COBL: variants seen among roughly 807,000 people sequenced by gnomAD.
COBL encodes protein cordon-bleu.
Under a neutral mutation model 98.8 loss-of-function variants are expected in COBL, and 51 were observed. That is an observed-to-expected ratio of 0.52 (90% CI 0.41 to 0.65). The LOEUF (loss-of-function observed/expected upper bound fraction) is 0.65. Among genes scored for constraint, COBL ranks in the 30% least tolerant of loss-of-function variants. COBL has a pLI of 0.00. For synonymous variants in COBL, 634 were observed against 651.7 expected (o/e 0.97, Z 0.41); for missense variants, 1,617 against 1,617.5 (o/e 1.00, Z 0.01).
intron 7 of COBL, among the ~76,000 whole-genome samples, chr7:51,056,294 G>T (rs1790741380): frequency 6.6e-6 from 1 of 151,908 alleles, no homozygotes; most frequent in Admixed American, 6.6e-5. Context: ...GCCTGAGTGT[G>T]AGCAAATGGG....
intron 1 of COBL, among the ~76,000 whole-genome samples, chr7:51,255,650 G>A (rs986473029): frequency 6.6e-6 from 1 of 152,188 alleles, no homozygotes; most frequent in South Asian, 2.1e-4. Flanking sequence ...GTTCTCTGCC[G>A]AGATCACTTC....
chr7:51,221,053 A>G (rs1429950400), intron 1 of COBL, among the ~76,000 whole-genome samples: 1 of 152,174 alleles, frequency 6.6e-6, no homozygotes, highest in Non-Finnish European at 1.5e-5. Flanking sequence ...ACCTATGCTA[A>G]TAATAACCTT....
chr7:51,193,475 T>C lies in COBL; in HGVS notation c.360A>G (p.Pro120=), dbSNP rs766517417. 23 of 1,614,130 alleles carry C rather than the reference T, an allele frequency of 1.4e-5. No individual in the cohort carries two copies. In the South Asian group the frequency reaches 2.5e-4, roughly 18 times the overall value. Residue 120 remains proline (P), a synonymous_variant, in exon 3 of 13, where the codon CCA becomes CCG. Coordinates refer to ENST00000265136, the MANE Select transcript of COBL (RefSeq NM_015198.5). ...SETQQPLSFK[P]NTLIGTLNVH... ...CATTCAGGGTCCCAATCAAAGTATTTGGCTTAAAACTCAAAGGTTGTTGGG... is the reference window on the plus strand; with the variant it reads ...CATTCAGGGTCCCAATCAAAGTATTCGGCTTAAAACTCAAAGGTTGTTGGG...
chr7:51,283,609 T>C (rs1162867612), intron 1 of COBL, among the ~76,000 whole-genome samples: 2 of 152,054 alleles, frequency 1.3e-5, no homozygotes, highest in East Asian at 3.9e-4. Flanking sequence ...CTCAGCCTCC[T>C]GAGTAGCTGG....
At chr7:51,273,879 T>C (rs752748367) in intron 1 of COBL, among the ~76,000 whole-genome samples, 1 of 152,162 alleles carries the variant, frequency 6.6e-6, no homozygotes, top group Non-Finnish European at 1.5e-5. Context: ...TATTTTGAAG[T>C]GTCATCGAAC....
chr7:51,053,113 A>C (rs1185601052), intron 7 of COBL, among the ~76,000 whole-genome samples: 1 of 152,198 alleles, frequency 6.6e-6, no homozygotes, highest in Non-Finnish European at 1.5e-5. Flanking sequence ...CACTTAAGGA[A>C]AATGTAGATT....
At chr7:51,259,683 T>C in intron 1 of COBL, 1 of 738,396 alleles carries the variant, frequency 1.4e-6, no homozygotes. Flanking sequence ...GGGATGGTCT[T>C]ATTCTTGACC....
rs1209616578 is a variant in COBL at position 51,027,926 on chromosome 7, C to A, written c.3170G>T (p.Gly1057Val). The change falls in exon 10 of 13, where the codon GGC becomes GTC. Residue 1057 changes from glycine to valine, a missense_variant. Physicochemically the swap from Gly to Val is moderately radical, Grantham distance 109. Transcript: ENST00000265136. ...TTCTAGGAGAATGTGGCTTTCTGTG[C>A]CAGACCCTCCTGGAGGGTGGGAAGG... Reference protein sequence around the residue: ...GEPSHPPGGSGTESHILLERE... With the variant: ...GEPSHPPGGSVTESHILLERE... The A allele has an allele frequency of 6.2e-7, 1 of 1,613,686 alleles. No homozygotes were observed. The highest frequency in any genetic ancestry group is 1.3e-5 in the African/African-American group (1 of 74,926).
At chr7:51,162,739 A>AAGAT (rs1479768323) in intron 5 of COBL, among the ~76,000 whole-genome samples, 1 of 152,242 alleles carries the variant, frequency 6.6e-6, no homozygotes, top group Non-Finnish European at 1.5e-5. Context: ...GAGGAAAGTG[A>AAGAT]AGATAGGTTC....
intron 7 of COBL, among the ~76,000 whole-genome samples, chr7:51,074,858 T>C (rs1792906334): frequency 1.3e-5 from 2 of 152,242 alleles, no homozygotes; most frequent in Admixed American, 6.5e-5. Flanking sequence ...TTTACTTATA[T>C]AAAGGATAAG....
intron 5 of COBL, among the ~76,000 whole-genome samples, chr7:51,141,847 G>C (rs1207662750): frequency 1.3e-5 from 2 of 152,132 alleles, no homozygotes; most frequent in Admixed American, 6.5e-5. Flanking sequence ...GGTGAGAATG[G>C]GGAGAATGCT....
chr7:51,127,338 CTTG>C (rs1244542657), intron 6 of COBL, among the ~76,000 whole-genome samples: 5 of 152,212 alleles, frequency 3.3e-5, no homozygotes, highest in Non-Finnish European at 5.9e-5. Flanking sequence ...AAGTCCCCAG[CTTG>C]TTAGGCTGCT....
intron 1 of COBL, among the ~76,000 whole-genome samples, chr7:51,253,035 C>T (rs1172904012): frequency 6.6e-6 from 1 of 151,950 alleles, no homozygotes; most frequent in Non-Finnish European, 1.5e-5. Flanking sequence ...CCAGACTGCT[C>T]AACATGACAA....
chr7:51,184,229 C>T, intron 4 of COBL, 30 bp from the exon 5 acceptor site: 1 of 1,278,538 alleles, frequency 7.8e-7, no homozygotes, highest in Non-Finnish European at 1.1e-6. Flanking sequence ...AGTTATTTTT[C>T]AGCATCTGAA....
intron 8 of COBL, among the ~76,000 whole-genome samples, chr7:51,036,783 T>A (rs1311703315): frequency 6.6e-6 from 1 of 152,174 alleles, no homozygotes; most frequent in African/African-American, 2.4e-5. Context: ...GCTCTGCATA[T>A]GATTTCAGTT....
At chr7:51,306,795 T>C (rs906750947) in intron 1 of COBL, among the ~76,000 whole-genome samples, 3 of 152,192 alleles carry the variant, frequency 2.0e-5, no homozygotes, top group African/African-American at 7.2e-5. Context: ...GAGGCTCCTA[T>C]ACCAGGAATA....
At chr7:51,128,215 T>C (rs1358444538) in intron 6 of COBL, among the ~76,000 whole-genome samples, 2 of 152,228 alleles carry the variant, frequency 1.3e-5, no homozygotes, top group African/African-American at 4.8e-5. Context: ...ATCTCTGACA[T>C]GCAGCTCAGC....
At chr7:51,273,760 T>C (rs995346613) in intron 1 of COBL, among the ~76,000 whole-genome samples, 1 of 152,196 alleles carries the variant, frequency 6.6e-6, no homozygotes, top group African/African-American at 2.4e-5. Context: ...TATTTGAAAA[T>C]AGCTAACTTG....
chr7:51,022,208 G>A (rs570884261), intron 12 of COBL, among the ~76,000 whole-genome samples: 15 of 152,200 alleles, frequency 9.9e-5, no homozygotes, highest in South Asian at 4.2e-4. Flanking sequence ...TCTTGTAAAC[G>A]GCTCGGGGCA....
Sources: gnomAD v4.1 joint callset for allele counts (sites outside exome capture counted in the v4.1 genomes callset) on GRCh38, gnomAD v4.1.1 for gene constraint, MANE v1.5 for transcripts, NCBI Gene and HGNC (gene_info 2026-07-23, HGNC 2026-07-21) for gene names.